SPIDR: variants seen among roughly 807,000 people sequenced by gnomAD.
SPIDR encodes scaffold protein involved in DNA repair, also known as DNA repair-scaffolding protein.
SPIDR carries 93 observed loss-of-function variants against 104.6 expected under a neutral mutation model. The observed-to-expected ratio is 0.89, with a 90% CI of 0.75 to 1.06. The LOEUF (loss-of-function observed/expected upper bound fraction) is 1.06, where lower values mean the gene tolerates loss of function less well. Ranked by LOEUF, SPIDR falls within the 50% of genes least tolerant of loss-of-function variation. The pLI is 0.00. For synonymous variants in SPIDR, 431 were observed against 416.9 expected (o/e 1.03, Z -0.41); for missense variants, 1,154 against 1,111.2 (o/e 1.04, Z -0.55).
chr8:47,637,744 C>T (rs1563386889), intron 10 of SPIDR, among the ~76,000 whole-genome samples: 2 of 152,120 alleles, frequency 1.3e-5, no homozygotes, highest in Non-Finnish European at 2.9e-5. Flanking sequence ...TGATACTGAC[C>T]TTGATCACCT....
rs1418078824 is a variant in SPIDR, at chr8:47,269,216, A to G, written c.33+8225A>G. Among the ~76,000 whole-genome samples the G allele has an allele frequency of 2.3e-5, 3 of 133,224 alleles. No individual in the cohort carries two copies. In the East Asian group the frequency reaches 6.6e-4, roughly 29 times the overall value. The allele number at this position is 133,224 out of a possible 152,430, so 87.4% of individuals were successfully genotyped here. On this transcript the variant is annotated intron_variant, in intron 1 of 19. Coordinates refer to ENST00000297423, the MANE Select transcript of SPIDR (RefSeq NM_001080394.4). ...AAGGAGGTAGAAGCTTCAGTGATCC[A>G]TGATCGTGCTACTGCACTCCAGCCT...
intron 10 of SPIDR, among the ~76,000 whole-genome samples, chr8:47,633,371 G>T (rs1245796086): frequency 2.0e-5 from 3 of 152,122 alleles, no homozygotes; most frequent in Admixed American, 6.5e-5. Context: ...GACTGTGTGG[G>T]TAGCCAGGAA....
Position 47,417,247 on chromosome 8 carries a change from C to T in SPIDR, c.877+9286C>T, listed in dbSNP as rs374843184. Among the ~76,000 whole-genome samples, 240 of 152,276 alleles carry T rather than the reference C, an allele frequency of 1.6e-3. 2 individuals carry two copies. The highest frequency in any genetic ancestry group is 2.6e-3 in the African/African-American group (110 of 41,550). On this transcript the variant is annotated intron_variant, in intron 7 of 19. Coordinates refer to ENST00000297423, the MANE Select transcript of SPIDR (RefSeq NM_001080394.4). The stretch of plus-strand genomic sequence containing the variant: ...AACTAGTTTACAGTCCCACCAACAG[C>T]GTAAAAGTGTTCCTATTTCTTCACA...
At chr8:47,539,319 C>T (rs1461931730) in intron 8 of SPIDR, among the ~76,000 whole-genome samples, 2 of 152,028 alleles carry the variant, frequency 1.3e-5, no homozygotes, top group African/African-American at 2.4e-5. Context: ...ATATGTAAGT[C>T]CTTTCTTACA....
intron 8 of SPIDR, among the ~76,000 whole-genome samples, chr8:47,477,153 A>C (rs145524572): frequency 6.6e-6 from 1 of 152,176 alleles, no homozygotes; most frequent in Non-Finnish European, 1.5e-5. Context: ...TGAAACACTT[A>C]ATGAAACGTG....
At chr8:47,433,100 G>T (rs569697261) in intron 7 of SPIDR, among the ~76,000 whole-genome samples, 75 of 152,060 alleles carry the variant, frequency 4.9e-4, no homozygotes, top group Middle Eastern at 6.8e-3. Context: ...TCTTATTCTT[G>T]CTCAGGCCAA....
intron 11 of SPIDR, among the ~76,000 whole-genome samples, chr8:47,685,205 C>T (rs1346245513): frequency 4.0e-5 from 6 of 151,846 alleles, no homozygotes; most frequent in African/African-American, 1.2e-4. Flanking sequence ...AGCAAAACTC[C>T]GTCTCAAAAA....
chr8:47,713,467 CCTGAAGTGT>C lies in SPIDR; in HGVS notation c.2189-19_2189-11del, dbSNP rs750054864. ...CACTTTTTCTTCAAGGCTTCAATAACCTGAAGTGTCTCTGTCGGCAGGTCGGATTGTTTG... is the reference window on the plus strand; with the variant it reads ...CACTTTTTCTTCAAGGCTTCAATAACCTCTGTCGGCAGGTCGGATTGTTTG... On this transcript the variant is annotated splice_polypyrimidine_tract_variant and intron_variant, in intron 15 of 19. Transcript: ENST00000297423. 1.9e-6 allele frequency: 3 copies of C among 1,613,782 alleles called. No homozygotes were observed. The highest frequency in any genetic ancestry group is 1.7e-5 in the Admixed American group (1 of 59,990).
rs547063254 is a variant in SPIDR at position 47,392,294 on chromosome 8, A to T, written c.526-4082A>T. Among the ~76,000 whole-genome samples, 203 of 152,280 alleles carry T rather than the reference A, an allele frequency of 1.3e-3. 2 individuals are homozygous for T. Among genetic ancestry groups the T allele is most frequent in the Middle Eastern group, 0.01 (3 of 294 alleles). ...GAGACCACAACAGTGTTCGAGTCAG[A>T]CACCACCTTTATGGGGAAGGACCTT... On this transcript the variant is annotated intron_variant, in intron 5 of 19. Coordinates refer to ENST00000297423, the MANE Select transcript of SPIDR (RefSeq NM_001080394.4).
intron 8 of SPIDR, among the ~76,000 whole-genome samples, chr8:47,447,503 C>T (rs1037518189): frequency 6.6e-5 from 10 of 152,172 alleles, no homozygotes; most frequent in Admixed American, 4.6e-4. Context: ...CGTGAGCCAC[C>T]GCGCCTGGCC....
intron 8 of SPIDR, among the ~76,000 whole-genome samples, chr8:47,541,869 T>TG (rs1200490128): frequency 6.6e-6 from 1 of 152,122 alleles, no homozygotes; most frequent in Non-Finnish European, 1.5e-5. Context: ...AGGCTGAGGC[T>TG]GCAGTGAGCC....
rs2063576932 is a variant in SPIDR, at chr8:47,411,872, T to G, written c.877+3911T>G. ...GGATCCAGTTTCAGCTTTCTACATA[T>G]CGCTACCTAGTTTTCCCAGCACCAT... On this transcript the variant is annotated intron_variant, in intron 7 of 19. Coordinates refer to ENST00000297423, the MANE Select transcript of SPIDR (RefSeq NM_001080394.4). 2.0e-5 allele frequency among the ~76,000 whole-genome samples: 3 copies of G among 152,358 alleles called. No individual in the cohort carries two copies. The South Asian group carries it at 6.2e-4, about 32-fold the overall frequency.
At chr8:47,653,002 C>T (rs1446680960) in intron 10 of SPIDR, among the ~76,000 whole-genome samples, 1 of 152,180 alleles carries the variant, frequency 6.6e-6, no homozygotes, top group African/African-American at 2.4e-5. Flanking sequence ...AATCTAGTCC[C>T]ATACTGGAAC....
chr8:47,418,531 G>A (rs1416608482), intron 7 of SPIDR, among the ~76,000 whole-genome samples: 5 of 152,108 alleles, frequency 3.3e-5, no homozygotes, highest in Admixed American at 3.3e-4. Flanking sequence ...TGAGACGATG[G>A]GTTTTTCTAG....
At chr8:47,471,715 A>T (rs2075735119) in intron 8 of SPIDR, among the ~76,000 whole-genome samples, 1 of 152,224 alleles carries the variant, frequency 6.6e-6, no homozygotes, top group Non-Finnish European at 1.5e-5. Context: ...ATGTTTTATG[A>T]CAATAAAAAT....
At chr8:47,264,329 A>C (rs1434365891) in intron 1 of SPIDR, among the ~76,000 whole-genome samples, 12 of 152,158 alleles carry the variant, frequency 7.9e-5, no homozygotes, top group Non-Finnish European at 7.4e-5. Context: ...ATGAGAAGTG[A>C]GAAAGTTGTT....
intron 8 of SPIDR, among the ~76,000 whole-genome samples, chr8:47,574,858 C>T (rs895624425): frequency 3.9e-5 from 6 of 151,984 alleles, no homozygotes; most frequent in Non-Finnish European, 8.8e-5. Flanking sequence ...TACTAGAATT[C>T]CTTTTTATAC....
intron 8 of SPIDR, among the ~76,000 whole-genome samples, chr8:47,512,834 T>C (rs768720162): frequency 6.6e-6 from 1 of 152,228 alleles, no homozygotes; most frequent in Non-Finnish European, 1.5e-5. Context: ...TGCATTCCGA[T>C]GCGGCACGAA....
chr8:47,274,614 A>G (rs1264400047), intron 1 of SPIDR, among the ~76,000 whole-genome samples: 7 of 148,636 alleles, frequency 4.7e-5, no homozygotes, highest in Non-Finnish European at 7.4e-5. Context: ...GTCTCGCTCT[A>G]TCACCCATGC....
Sources: allele counts gnomAD v4.1 joint callset (sites outside exome capture counted in the v4.1 genomes callset), GRCh38; gene constraint gnomAD v4.1.1; transcripts MANE v1.5; gene names NCBI Gene and HGNC (gene_info 2026-07-23, HGNC 2026-07-21).